The following NOC3L variants were observed in gnomAD, a reference collection of about 807,000 sequenced individuals.
The protein encoded by NOC3L is NOC3 like DNA replication regulator.
NOC3L carries 85 observed loss-of-function variants against 102.5 expected under a neutral mutation model. The observed-to-expected ratio is 0.83, with a 90% CI of 0.70 to 0.99. NOC3L has a LOEUF of 0.99. Among genes scored for constraint, NOC3L ranks in the 50% least tolerant of loss-of-function variants. The pLI is 0.00. For missense variants in NOC3L, 878 were observed against 914.9 expected (o/e 0.96, Z 0.52); for synonymous variants, 303 against 309.4 (o/e 0.98, Z 0.22).
Position 94,340,269 on chromosome 10 carries a change from TAC to T in NOC3L, c.1780+5_1780+6del, listed in dbSNP as rs1474235819. On this transcript the variant is annotated splice_donor_5th_base_variant and intron_variant, in intron 16 of 20. Coordinates refer to ENST00000371361, the MANE Select transcript of NOC3L (RefSeq NM_022451.11). ...ATATAAAAGAAACATTATCTAAACA[TAC>T]ATACCTGCATGTAATTTGAACAGTG... The T allele has an allele frequency of 6.3e-7, 1 of 1,599,614 alleles. No individual in the cohort carries two copies. The highest frequency in any genetic ancestry group is 2.1e-4 in the Middle Eastern group (1 of 4,838).
chr10:94,334,575 G>A, intron 20 of NOC3L, 59 bp downstream of exon 20: 2 of 1,231,640 alleles, frequency 1.6e-6, no homozygotes, highest in South Asian at 1.3e-5. Flanking sequence ...TGGAGTTAGA[G>A]TTATTGAGAT....
chr10:94,316,502 TAA>T, the NOC3L span: 6 of 1,250,854 alleles, frequency 4.8e-6, no homozygotes, highest in Non-Finnish European at 7.0e-6. Flanking sequence ...TGATTTGTTT[TAA>T]GTTTTTGCCT....
intron 16 of NOC3L, 51 bp from the exon 17 acceptor site, chr10:94,339,971 C>G (rs111807395): frequency 1.4e-6 from 2 of 1,476,508 alleles, no homozygotes; most frequent in African/African-American, 1.4e-5. Flanking sequence ...TTTTTCATTA[C>G]GCAACTGGAC....
chr10:94,332,234 T>C (rs1564906157), downstream of NOC3L: 1 of 152,196 alleles, frequency 6.6e-6, no homozygotes, highest in Non-Finnish European at 1.5e-5. Context: ...CAAACAGATC[T>C]CTGAAACCTT....
chr10:94,336,399 G>A lies in NOC3L; in HGVS notation c.2189+1378C>T, dbSNP rs193243616. Among the ~76,000 whole-genome samples, 354 of 151,884 alleles carry A rather than the reference G, an allele frequency of 2.3e-3. 1 individual carries two copies. Among genetic ancestry groups the A allele is most frequent in the African/African-American group, 8.2e-3 (339 of 41,434 alleles). On this transcript the variant is annotated intron_variant, in intron 19 of 20. Coordinates refer to ENST00000371361, the MANE Select transcript of NOC3L (RefSeq NM_022451.11). ...ATTCGCTCTTGTCACCCAGGCTGGA[G>A]TGCAATGGCGAGATCTCGACTCACT...
chr10:94,362,030 A>G, intron 1 of NOC3L, 158 bp from the exon 2 acceptor site: 1 of 692,938 alleles, frequency 1.4e-6, no homozygotes, highest in Non-Finnish European at 2.6e-6. Context: ...GATGGCTTTA[A>G]TCCTACAGAA....
intron 2 of NOC3L, among the ~76,000 whole-genome samples, chr10:94,358,474 C>T (rs973312638): frequency 6.6e-6 from 1 of 152,186 alleles, no homozygotes; most frequent in Admixed American, 6.5e-5. Context: ...TGGAAAAATG[C>T]TAGCATCTCT....
intron 19 of NOC3L, among the ~76,000 whole-genome samples, chr10:94,336,147 T>C (rs879432381): frequency 1.3e-5 from 2 of 152,138 alleles, no homozygotes; most frequent in African/African-American, 2.4e-5. Context: ...AAAGTCTTTA[T>C]AGAAGAGGCT....
chr10:94,333,248 G>A lies in NOC3L; in HGVS notation c.*929C>T, dbSNP rs1012510010. On this transcript the variant is annotated 3_prime_UTR_variant, in exon 21 of 21. Coordinates refer to ENST00000371361, the MANE Select transcript of NOC3L (RefSeq NM_022451.11). ...GAATAGGAAGCAGAAAAAAACAGCT[G>A]TTTTATTCAACTATTCACAATAGAG... 11 of 152,050 alleles carry A rather than the reference G, an allele frequency of 7.2e-5. No homozygotes were observed. 9.4% of individuals were successfully genotyped at this position (152,050 alleles called of 1,614,324 possible).
chr10:94,324,899 G>T, the NOC3L span: 3 of 1,614,054 alleles, frequency 1.9e-6, no homozygotes, highest in South Asian at 1.1e-5. Flanking sequence ...CAGGCATCTC[G>T]AGAAGATAAA....
At chr10:94,351,475 C>A (rs923764151) in intron 8 of NOC3L, among the ~76,000 whole-genome samples, 1 of 152,182 alleles carries the variant, frequency 6.6e-6, no homozygotes, top group African/African-American at 2.4e-5. Flanking sequence ...ATAATTGACT[C>A]ATAAATCCAT....
chr10:94,345,986 TA>T (rs1337966931), intron 11 of NOC3L, among the ~76,000 whole-genome samples: 19 of 152,102 alleles, frequency 1.2e-4, no homozygotes, highest in African/African-American at 4.6e-4. Flanking sequence ...AATAAATAAA[TA>T]AATAAAGTTT....
intron 5 of NOC3L, among the ~76,000 whole-genome samples, chr10:94,355,700 T>A (rs2054475636): frequency 6.6e-6 from 1 of 152,198 alleles, no homozygotes; most frequent in Non-Finnish European, 1.5e-5. Flanking sequence ...AGAGCTCATA[T>A]TCTTAGCTTC....
intron 8 of NOC3L, among the ~76,000 whole-genome samples, chr10:94,351,283 C>A (rs775046097): frequency 6.7e-6 from 1 of 150,084 alleles, no homozygotes; most frequent in Non-Finnish European, 1.5e-5. Context: ...ATTAGGCCAA[C>A]AGGATTCAGT....
At chr10:94,330,717 TC>T (rs2054148576), downstream of NOC3L, 1 of 147,432 alleles carries the variant, frequency 6.8e-6, no homozygotes, top group Admixed American at 6.8e-5. Context: ...AAGTAAAGAG[TC>T]TAGTCTACTA....
chr10:94,334,153 A>C lies in NOC3L; in HGVS notation c.*24T>G, dbSNP rs768981752. On this transcript the variant is annotated 3_prime_UTR_variant, in exon 21 of 21. Coordinates refer to ENST00000371361, the MANE Select transcript of NOC3L (RefSeq NM_022451.11). ...CATCTGCACACACAAATATACAAGA[A>C]AGTCCACTGACTTCATTCCTCTACT... 6 of 1,039,186 alleles carry C rather than the reference A, an allele frequency of 5.8e-6. No homozygotes were observed. Among genetic ancestry groups the C allele is most frequent in the Non-Finnish European group, 9.0e-6 (6 of 669,372 alleles). The allele number at this position is 1,039,186 out of a possible 1,614,324, so 64.4% of individuals were successfully genotyped here. A position where few individuals can be genotyped will look rare whatever the true frequency, so the allele number is the denominator to read the frequency against.
chr10:94,343,139 G>C, intron 13 of NOC3L, among the ~76,000 whole-genome samples: 1 of 151,352 alleles, frequency 6.6e-6, no homozygotes, highest in Non-Finnish European at 1.5e-5. Context: ...TACATATATA[G>C]GAGGGGGAGC....
intron 10 of NOC3L, among the ~76,000 whole-genome samples, chr10:94,348,293 G>T (rs1353110946): frequency 1.3e-5 from 2 of 151,384 alleles, no homozygotes; most frequent in Non-Finnish European, 1.5e-5. Context: ...CCGTAAATTG[G>T]GATTGAGGAG....
At position 94,334,765 on chromosome 10, in the gene NOC3L, A is replaced by G. The variant is rs189663931; in HGVS notation, c.2190-47T>C. The G allele has an allele frequency of 2.1e-4, 263 of 1,264,554 alleles. 1 individual carries two copies. The African/African-American group carries it at 3.1e-3, about 15-fold the overall frequency. 78.3% of individuals were successfully genotyped at this position (1,264,554 alleles called of 1,614,324 possible). ...TGTAAAGATACCACCACATCTGTGT[A>G]ACTCAAAAATAATTAGATTATACTC... On this transcript the variant is annotated intron_variant, in intron 19 of 20. Coordinates refer to ENST00000371361, the MANE Select transcript of NOC3L (RefSeq NM_022451.11).
Sources: gnomAD v4.1 joint callset for allele counts (sites outside exome capture counted in the v4.1 genomes callset) on GRCh38, gnomAD v4.1.1 for gene constraint, MANE v1.5 for transcripts, NCBI Gene and HGNC (gene_info 2026-07-23, HGNC 2026-07-21) for gene names.